ARID5B: variants seen among roughly 807,000 people sequenced by gnomAD.
ARID5B encodes the protein AT-rich interactive domain-containing protein 5B.
ARID5B carries 13 observed loss-of-function variants against 97.2 expected under a neutral mutation model. That is an observed-to-expected ratio of 0.13 (90% CI 0.09 to 0.21). ARID5B has a LOEUF of 0.21. Ranked by LOEUF, ARID5B falls within the 10% of genes least tolerant of loss-of-function variation. The pLI, the probability that ARID5B is intolerant of heterozygous loss-of-function variation, is 1.00. For synonymous variants in ARID5B, 556 were observed against 570.3 expected, an observed-to-expected ratio of 0.97 and a Z score of 0.36; for missense variants, 1,210 against 1,465.3, an observed-to-expected ratio of 0.83 and a Z score of 2.84.
At chr10:62,086,427 A>C (rs575683132) in intron 9 of ARID5B, among the ~76,000 whole-genome samples, 1 of 152,216 alleles carries the variant, frequency 6.6e-6, no homozygotes, top group Non-Finnish European at 1.5e-5. Flanking sequence ...CAGTCTCTAC[A>C]AACAAAGCTC....
At chr10:61,984,776 G>A (rs1838824532) in intron 3 of ARID5B, among the ~76,000 whole-genome samples, 1 of 152,122 alleles carries the variant, frequency 6.6e-6, no homozygotes, top group Non-Finnish European at 1.5e-5. Context: ...TTCAGACACA[G>A]CACCTAAATT....
intron 4 of ARID5B, among the ~76,000 whole-genome samples, chr10:62,005,519 A>G (rs1007541137): frequency 6.6e-6 from 1 of 152,238 alleles, no homozygotes; most frequent in Non-Finnish European, 1.5e-5. Flanking sequence ...GGGTCTTACT[A>G]TAATAGAACT....
chr10:61,988,610 G>T (rs925854303), intron 3 of ARID5B, among the ~76,000 whole-genome samples: 7 of 152,128 alleles, frequency 4.6e-5, no homozygotes, highest in Non-Finnish European at 7.3e-5. Flanking sequence ...CTCCTGTTCT[G>T]TTCTCCTCTC....
At chr10:62,064,391 CT>C (rs1242994553) in intron 7 of ARID5B, among the ~76,000 whole-genome samples, 1 of 152,212 alleles carries the variant, frequency 6.6e-6, no homozygotes, top group Non-Finnish European at 1.5e-5. Flanking sequence ...GGCAACATTG[CT>C]TTCAGGCAAA....
intron 2 of ARID5B, among the ~76,000 whole-genome samples, chr10:61,919,123 G>T (rs1843964670): frequency 6.9e-6 from 1 of 144,548 alleles, no homozygotes; most frequent in Admixed American, 7.4e-5. Flanking sequence ...GATAGGAGTA[G>T]ATGGAGTCAA....
chr10:62,069,697 C>T lies in ARID5B; in HGVS notation c.1102-3C>T. The T allele has an allele frequency of 6.2e-7, 1 of 1,613,646 alleles. No homozygotes were observed. Among genetic ancestry groups the T allele is most frequent in the South Asian group, 1.1e-5 (1 of 91,050 alleles). ...ATTGAATTTCCCATTGCCATTTTTT[C>T]AGATAACAGCCCGCCGTCAGTGGAA... On this transcript the variant is annotated splice_polypyrimidine_tract_variant and splice_region_variant and intron_variant, in intron 7 of 9. Coordinates refer to ENST00000279873, the MANE Select transcript of ARID5B (RefSeq NM_032199.3).
rs149993578 is a variant in ARID5B at position 62,057,724 on chromosome 10, C to T, written c.1048+406C>T. Among the ~76,000 whole-genome samples the T allele has an allele frequency of 4.3e-3, 652 of 152,100 alleles. 1 individual carries two copies. Among genetic ancestry groups the T allele is most frequent in the Admixed American group, 6.4e-3 (98 of 15,286 alleles). Reference sequence around the variant, plus strand: ...GGACATTTAAAGATGGACAAAACAACCACAAAGGGAAAACACATTTCCTAA... The same window carrying T: ...GGACATTTAAAGATGGACAAAACAATCACAAAGGGAAAACACATTTCCTAA... On this transcript the variant is annotated intron_variant, in intron 6 of 9. Transcript: ENST00000279873.
At chr10:61,973,526 C>T (rs912265856) in intron 3 of ARID5B, among the ~76,000 whole-genome samples, 2 of 152,046 alleles carry the variant, frequency 1.3e-5, no homozygotes, top group Non-Finnish European at 1.5e-5. Flanking sequence ...TTTGTTGCTC[C>T]AGGTTCCTGA....
In ARID5B at chr10:61,926,960, G is replaced by A. The variant is rs139129382; in HGVS notation, c.277-13223G>A. On this transcript the variant is annotated intron_variant, in intron 2 of 9. Coordinates refer to ENST00000279873, the MANE Select transcript of ARID5B (RefSeq NM_032199.3). ...ATTAGGTTGGTGCAAAAGTAATTGC[G>A]GTTTTTGCCATTGAAAGTAATGGCA... Among the ~76,000 whole-genome samples, 144 of 152,054 alleles carry A rather than the reference G, an allele frequency of 9.5e-4. 2 individuals carry two copies. The East Asian group carries it at 0.024, about 25-fold the overall frequency.
At chr10:62,078,817 G>A (rs182754475) in intron 8 of ARID5B, among the ~76,000 whole-genome samples, 1 of 152,254 alleles carries the variant, frequency 6.6e-6, no homozygotes, top group African/African-American at 2.4e-5. Flanking sequence ...GGAGACCATG[G>A]GAAGCTTGGG....
intron 9 of ARID5B, among the ~76,000 whole-genome samples, chr10:62,090,300 C>A (rs140547647): frequency 6.6e-6 from 1 of 152,238 alleles, no homozygotes; most frequent in African/African-American, 2.4e-5. Context: ...ATCATCTGGC[C>A]CTGAGTAGAA....
At chr10:61,904,424 A>C (rs1287237136) in intron 2 of ARID5B, among the ~76,000 whole-genome samples, 1 of 152,186 alleles carries the variant, frequency 6.6e-6, no homozygotes, top group Admixed American at 6.5e-5. Context: ...ATCTGCTAGA[A>C]GTGTTGACAG....
chr10:62,033,591 G>T (rs1839524481), intron 4 of ARID5B, among the ~76,000 whole-genome samples: 1 of 152,198 alleles, frequency 6.6e-6, no homozygotes, highest in South Asian at 2.1e-4. Context: ...AAGGGCCCAG[G>T]TGTTTCCAAA....
At chr10:61,987,504 A>T (rs1473162604) in intron 3 of ARID5B, among the ~76,000 whole-genome samples, 1 of 152,144 alleles carries the variant, frequency 6.6e-6, no homozygotes, top group Non-Finnish European at 1.5e-5. Context: ...GATATTCGTG[A>T]TCCAAAATAG....
chr10:61,985,067 A>G (rs1838828462), intron 3 of ARID5B, among the ~76,000 whole-genome samples: 1 of 151,956 alleles, frequency 6.6e-6, no homozygotes, highest in African/African-American at 2.4e-5. Flanking sequence ...TTAATGAGTC[A>G]TGGTATTTTA....
intron 2 of ARID5B, among the ~76,000 whole-genome samples, chr10:61,911,002 C>G (rs1843794302): frequency 6.6e-6 from 1 of 152,116 alleles, no homozygotes; most frequent in Non-Finnish European, 1.5e-5. Context: ...ATCTAGTGAC[C>G]CCATAAACAT....
chr10:61,945,495 A>C (rs989246640), intron 3 of ARID5B, among the ~76,000 whole-genome samples: 1 of 152,192 alleles, frequency 6.6e-6, no homozygotes, highest in Non-Finnish European at 1.5e-5. Context: ...AGTAGGTTTA[A>C]ATTTTATGTG....
At chr10:62,032,399 A>G (rs1839508168) in intron 4 of ARID5B, among the ~76,000 whole-genome samples, 1 of 152,216 alleles carries the variant, frequency 6.6e-6, no homozygotes, top group Non-Finnish European at 1.5e-5. Context: ...CAACTGGACT[A>G]GCACAGTGTC....
intron 7 of ARID5B, among the ~76,000 whole-genome samples, chr10:62,067,244 C>T (rs552834268): frequency 7.2e-4 from 109 of 152,244 alleles, no homozygotes; most frequent in African/African-American, 2.4e-3. Context: ...GCCACCACCC[C>T]GGCTGATTTT....
Sources: gnomAD v4.1 joint callset for allele counts (sites outside exome capture counted in the v4.1 genomes callset) on GRCh38, gnomAD v4.1.1 for gene constraint, MANE v1.5 for transcripts, NCBI Gene and HGNC (gene_info 2026-07-23, HGNC 2026-07-21) for gene names.